Variants in DCUN1D5 observed in about 807,000 individuals in gnomAD.
The protein encoded by DCUN1D5 is DCN1-like protein 5.
Under a neutral mutation model 38.3 loss-of-function variants are expected in DCUN1D5, and 10 were observed. The observed-to-expected ratio is 0.26, with a 90% CI of 0.16 to 0.44. The LOEUF (loss-of-function observed/expected upper bound fraction) is 0.44. Among genes scored for constraint, DCUN1D5 ranks in the 20% least tolerant of loss-of-function variants. The pLI, the probability that DCUN1D5 is intolerant of heterozygous loss-of-function variation, is 1.00. For synonymous variants in DCUN1D5, 93 were observed against 90.9 expected (o/e 1.02, Z -0.13); for missense variants, 148 against 275.3 (o/e 0.54, Z 3.27).
intron 3 of DCUN1D5, 88 bp from the exon 4 acceptor site, chr11:103,082,927 A>G (rs1862602636): frequency 1.0e-6 from 1 of 958,510 alleles, no homozygotes; most frequent in Non-Finnish European, 1.6e-6. Flanking sequence ...TTTTTACACA[A>G]CTACTTCCAT....
Position 103,086,646 on chromosome 11 carries a change from C to T in DCUN1D5, c.178+2581G>A, listed in dbSNP as rs149226328. On this transcript the variant is annotated intron_variant, in intron 2 of 7. Transcript: ENST00000260247. The surrounding 1 kb of genome is among the most constrained non-coding windows in gnomAD (Gnocchi z 4.1). ...ACATACCTGTTTACTGACTGTCTTC[C>T]TCACCAGAAGGCAAGTCCCCCAAAG... 1.4e-4 allele frequency among the ~76,000 whole-genome samples: 22 copies of T among 152,232 alleles called. No individual in the cohort carries two copies. In the East Asian group the frequency reaches 4.2e-3, roughly 29 times the overall value.
At chr11:103,079,643 G>A (rs1017163182) in intron 4 of DCUN1D5, among the ~76,000 whole-genome samples, 1 of 151,852 alleles carries the variant, frequency 6.6e-6, no homozygotes, top group African/African-American at 2.4e-5. Flanking sequence ...AAATAGCCAG[G>A]TGTGGTGGCA....
At chr11:103,085,584 G>A (rs555954474) in intron 2 of DCUN1D5, among the ~76,000 whole-genome samples, 1 of 152,306 alleles carries the variant, frequency 6.6e-6, no homozygotes, top group East Asian at 1.9e-4. Flanking sequence ...GATAAGGTCT[G>A]TAAATGTTAA....
rs138927843 is a variant in DCUN1D5, at chr11:103,077,185, G to A, written c.341+5563C>T. Among the ~76,000 whole-genome samples the A allele has an allele frequency of 7.9e-5, 12 of 152,070 alleles. No homozygotes were observed. In the East Asian group the frequency reaches 1.5e-3, roughly 20 times the overall value. ...ACTGCACTCCAGCCTGGGAGACTGA[G>A]CAAGACGCCGTCTCAAATAAAAAAA... On this transcript the variant is annotated intron_variant, in intron 4 of 7. Coordinates refer to ENST00000260247, the MANE Select transcript of DCUN1D5 (RefSeq NM_032299.4). The surrounding 1 kb of genome is among the most constrained non-coding windows in gnomAD (Gnocchi z 4.3).
In DCUN1D5 at chr11:103,062,444, A is replaced by G; in HGVS notation, c.659-30T>C. 1 of 1,600,698 alleles carries G rather than the reference A, an allele frequency of 6.2e-7. No homozygotes were observed. Among genetic ancestry groups the G allele is most frequent in the Non-Finnish European group, 8.5e-7 (1 of 1,169,928 alleles). The stretch of plus-strand genomic sequence containing the variant: ...AAAAAAAGAAACCATTTTTGTCAGA[A>G]TTCAGTGAACTCATCTCTCCAATTA... On this transcript the variant is annotated intron_variant, in intron 7 of 7. Coordinates refer to ENST00000260247, the MANE Select transcript of DCUN1D5 (RefSeq NM_032299.4). The surrounding 1 kb of genome is among the most constrained non-coding windows in gnomAD (Gnocchi z 4.6).
rs564393096 is a variant in DCUN1D5, at chr11:103,060,536, T to C, written c.*1823A>G. 2.1e-4 allele frequency among the ~76,000 whole-genome samples: 32 copies of C among 152,098 alleles called. No homozygotes were observed. Among genetic ancestry groups the C allele is most frequent in the Non-Finnish European group, 3.8e-4 (26 of 68,000 alleles). On this transcript the variant is annotated 3_prime_UTR_variant, in exon 8 of 8. Coordinates refer to ENST00000260247, the MANE Select transcript of DCUN1D5 (RefSeq NM_032299.4). ...CTGTAGGACTTAAGTATGCACAGAT[T>C]TGGGTATACACAAGGGTCCTGGTAT...
In DCUN1D5 at chr11:103,051,512, C is replaced by CCA. The variant is rs940008331; in HGVS notation, c.*10846_*10847insTG. The CCA allele has an allele frequency of 7.5e-6, 1 of 134,148 alleles. No individual in the cohort carries two copies. Among genetic ancestry groups the CCA allele is most frequent in the African/African-American group, 2.8e-5 (1 of 35,336 alleles). 8.3% of individuals were successfully genotyped at this position (134,148 alleles called of 1,614,324 possible). On this transcript the variant is annotated 3_prime_UTR_variant, in exon 8 of 8. Coordinates refer to ENST00000260247, the MANE Select transcript of DCUN1D5 (RefSeq NM_032299.4). ...TTCACATATTTACTTCCCCCCCCCC[C>CCA]CCGCCACCCCTGTGTTAACAGGTTT...
At chr11:103,074,084 A>G (rs1436465995) in intron 4 of DCUN1D5, among the ~76,000 whole-genome samples, 1 of 152,144 alleles carries the variant, frequency 6.6e-6, no homozygotes, top group Non-Finnish European at 1.5e-5. Flanking sequence ...CAACAGAGTG[A>G]GATTCTCAAA....
At chr11:103,085,255 T>C (rs1331238655) in intron 2 of DCUN1D5, among the ~76,000 whole-genome samples, 1 of 152,120 alleles carries the variant, frequency 6.6e-6, no homozygotes, top group African/African-American at 2.4e-5. Context: ...CTGGCCAAGA[T>C]GGTGAAACCC....
In DCUN1D5 at chr11:103,077,665, A is replaced by T. The variant is rs1341862756; in HGVS notation, c.341+5083T>A. Reference sequence around the variant, plus strand: ...TTCATTAAAGACCTTTAAAGTGAGAAGAAAGTTTCATGCATGTATTAGATG... The same window carrying T: ...TTCATTAAAGACCTTTAAAGTGAGATGAAAGTTTCATGCATGTATTAGATG... On this transcript the variant is annotated intron_variant, in intron 4 of 7. Coordinates refer to ENST00000260247, the MANE Select transcript of DCUN1D5 (RefSeq NM_032299.4). The surrounding 1 kb of genome is among the most constrained non-coding windows in gnomAD (Gnocchi z 4.3). Among the ~76,000 whole-genome samples, 1 of 152,214 alleles carries T rather than the reference A, an allele frequency of 6.6e-6. No homozygotes were observed. Among genetic ancestry groups the T allele is most frequent in the African/African-American group, 2.4e-5 (1 of 41,460 alleles).
chr11:103,066,053 G>T lies in DCUN1D5; in HGVS notation c.555+216C>A, dbSNP rs1414512040. On this transcript the variant is annotated intron_variant, in intron 6 of 7. Coordinates refer to ENST00000260247, the MANE Select transcript of DCUN1D5 (RefSeq NM_032299.4). This position sits in a 1 kb window ranked among gnomAD's most constrained non-coding sequence, Gnocchi z 4.7. ...TCTTGGAGGTTTCTTTTATTTGGGG[G>T]ACTGGGGGGGTAGGATTGAAAATAT... 2.0e-5 allele frequency among the ~76,000 whole-genome samples: 3 copies of T among 151,412 alleles called. No homozygotes were observed. Among genetic ancestry groups the T allele is most frequent in the Non-Finnish European group, 4.4e-5 (3 of 67,878 alleles).
At position 103,054,217 on chromosome 11, in the gene DCUN1D5, A is replaced by G. The variant is rs1357183075; in HGVS notation, c.*8142T>C. On this transcript the variant is annotated 3_prime_UTR_variant, in exon 8 of 8. Coordinates refer to ENST00000260247, the MANE Select transcript of DCUN1D5 (RefSeq NM_032299.4). ...GACCTCCCACTCTCTATGGCTGCCAATAACTGCTCTTGAGGAATGGGGTTA... is the reference window on the plus strand; with the variant it reads ...GACCTCCCACTCTCTATGGCTGCCAGTAACTGCTCTTGAGGAATGGGGTTA... The G allele has an allele frequency of 6.6e-6, 1 of 152,104 alleles. No individual in the cohort carries two copies. Among genetic ancestry groups the G allele is most frequent in the Non-Finnish European group, 1.5e-5 (1 of 67,990 alleles). The allele number at this position is 152,104 out of a possible 1,614,324, so 9.4% of individuals were successfully genotyped here. A position where few individuals can be genotyped will look rare whatever the true frequency, so the allele number is the denominator to read the frequency against.
Position 103,091,476 on chromosome 11 carries a change from T to A in DCUN1D5, c.86+311A>T. ...ACGGGAGTAGGGGATCGAGGGTCGGTTGTGGGGTGGGGGTGGGGGTGGGGG... is the reference window on the plus strand; with the variant it reads ...ACGGGAGTAGGGGATCGAGGGTCGGATGTGGGGTGGGGGTGGGGGTGGGGG... On this transcript the variant is annotated intron_variant, in intron 1 of 7. Transcript: ENST00000260247. This position sits in a 1 kb window ranked among gnomAD's most constrained non-coding sequence, Gnocchi z 4.3. The A allele has an allele frequency of 3.7e-6, 1 of 273,538 alleles. No individual in the cohort carries two copies. Among genetic ancestry groups the A allele is most frequent in the South Asian group, 2.7e-5 (1 of 36,424 alleles). The allele number at this position is 273,538 out of a possible 1,614,324, so 16.9% of individuals were successfully genotyped here.
At position 103,062,291 on chromosome 11, in the gene DCUN1D5, C is replaced by A; in HGVS notation, c.*68G>T. 1 of 1,454,716 alleles carries A rather than the reference C, an allele frequency of 6.9e-7. No individual in the cohort carries two copies. Among genetic ancestry groups the A allele is most frequent in the South Asian group, 1.2e-5 (1 of 83,692 alleles). 90.1% of individuals were successfully genotyped at this position (1,454,716 alleles called of 1,614,324 possible). ...AAAATGCACCCGTTGGATTTTTTTC[C>A]CCCTCATCACATTAGCTTGTATACA... On this transcript the variant is annotated 3_prime_UTR_variant, in exon 8 of 8. Transcript: ENST00000260247. The surrounding 1 kb of genome is among the most constrained non-coding windows in gnomAD (Gnocchi z 4.6).
At chr11:103,084,123 ACAT>A (rs1290733762) in intron 2 of DCUN1D5, among the ~76,000 whole-genome samples, 3 of 152,370 alleles carry the variant, frequency 2.0e-5, no homozygotes, top group Admixed American at 2.0e-4. Flanking sequence ...TATAGTAATT[ACAT>A]CATCACTAGG....
rs778245588 is a variant in DCUN1D5 at position 103,071,019 on chromosome 11, T to C, written c.342-4452A>G. 6.6e-6 allele frequency among the ~76,000 whole-genome samples: 1 copy of C among 151,884 alleles called. No homozygotes were observed. Among genetic ancestry groups the C allele is most frequent in the Non-Finnish European group, 1.5e-5 (1 of 67,954 alleles). On this transcript the variant is annotated intron_variant, in intron 4 of 7. Coordinates refer to ENST00000260247, the MANE Select transcript of DCUN1D5 (RefSeq NM_032299.4). This position sits in a 1 kb window ranked among gnomAD's most constrained non-coding sequence, Gnocchi z 4.1. ...AAAACAGAAAATACATTAAACTAAA[T>C]GAAAATACAACATATCAAAATGTTG...
Position 103,061,085 on chromosome 11 carries a change from CAATA to C in DCUN1D5, c.*1270_*1273del, listed in dbSNP as rs1861999221. Among the ~76,000 whole-genome samples, 1 of 151,976 alleles carries C rather than the reference CAATA, an allele frequency of 6.6e-6. No homozygotes were observed. Among genetic ancestry groups the C allele is most frequent in the African/African-American group, 2.4e-5 (1 of 41,384 alleles). On this transcript the variant is annotated 3_prime_UTR_variant, in exon 8 of 8. Coordinates refer to ENST00000260247, the MANE Select transcript of DCUN1D5 (RefSeq NM_032299.4). ...CCCAGCTGATTAACTAAAAAGCAAA[CAATA>C]AAACACTTTAAAATGTCATTCTCTT...
In DCUN1D5 at chr11:103,084,164, A is replaced by G. The variant is rs146744600; in HGVS notation, c.179-838T>C. Among the ~76,000 whole-genome samples the G allele has an allele frequency of 5.4e-3, 821 of 152,340 alleles. 3 individuals carry two copies. Among genetic ancestry groups the G allele is most frequent in the African/African-American group, 0.019 (780 of 41,576 alleles). Reference sequence around the variant, plus strand: ...TCTTTTGTGACTGGATAAGAATAAAACAAATTTTGTAATAATATGAGAAAT... The same window carrying G: ...TCTTTTGTGACTGGATAAGAATAAAGCAAATTTTGTAATAATATGAGAAAT... On this transcript the variant is annotated intron_variant, in intron 2 of 7. Transcript: ENST00000260247.
Position 103,083,402 on chromosome 11 carries a change from C to T in DCUN1D5, c.179-76G>A. On this transcript the variant is annotated intron_variant, in intron 2 of 7. Coordinates refer to ENST00000260247, the MANE Select transcript of DCUN1D5 (RefSeq NM_032299.4). This position sits in a 1 kb window ranked among gnomAD's most constrained non-coding sequence, Gnocchi z 4.4. The stretch of plus-strand genomic sequence containing the variant: ...CATAAATCGTCATGCTAAAGGTACC[C>T]ATGAACACACCATAATATTTTGCAA... 1 of 768,998 alleles carries T rather than the reference C, an allele frequency of 1.3e-6. No homozygotes were observed. 47.6% of individuals were successfully genotyped at this position (768,998 alleles called of 1,614,324 possible). A position where few individuals can be genotyped will look rare whatever the true frequency, so the allele number is the denominator to read the frequency against.
Sources: allele counts gnomAD v4.1 joint callset (sites outside exome capture counted in the v4.1 genomes callset), GRCh38; gene constraint gnomAD v4.1.1; non-coding constraint Gnocchi (gnomAD v3.1); transcripts MANE v1.5; gene names NCBI Gene and HGNC (gene_info 2026-07-23, HGNC 2026-07-21).